The following B4GALT7 variants were observed in gnomAD, a reference collection of about 807,000 sequenced individuals.
The protein encoded by B4GALT7 is beta-1,4-galactosyltransferase 7.
B4GALT7 carries 30 observed loss-of-function variants against 33.0 expected under a neutral mutation model. The ratio of observed to expected loss-of-function variants is 0.91; its 90% CI spans 0.68 to 1.23. The LOEUF (loss-of-function observed/expected upper bound fraction) is 1.23, where lower values mean the gene tolerates loss of function less well. Ranked by LOEUF, B4GALT7 falls within the 50% of genes most tolerant of loss-of-function variation. The pLI is 0.00. For synonymous variants in B4GALT7, 213 were observed against 187.2 expected (o/e 1.14, Z -1.13); for missense variants, 507 against 450.8 (o/e 1.12, Z -1.13).
At chr5:177,604,964 C>T in intron 2 of B4GALT7, 1 of 458,046 alleles carries the variant, frequency 2.2e-6, no homozygotes. Context: ...TCCTAAAATC[C>T]CTGCCCTTAC....
In B4GALT7 at chr5:177,604,427, C is replaced by G; in HGVS notation, c.299C>G (p.Pro100Arg). The G allele has an allele frequency of 6.2e-7, 1 of 1,613,946 alleles. No individual in the cohort carries two copies. The highest frequency in any genetic ancestry group is 8.5e-7 in the Non-Finnish European group (1 of 1,179,912). The change falls in exon 2 of 6, where the codon CCC becomes CGC. Residue 100 changes from proline to arginine, a missense_variant. Transcript: ENST00000029410. ...CCCCACCGCCTGGCAGTGCTGGTGC[C>G]CTTCCGCGAACGCTTCGAGGAGCTC... ...WGPHRLAVLV[P>R]FRERFEELLV...
At chr5:177,607,031 G>T in intron 2 of B4GALT7, 6 of 547,814 alleles carry the variant, frequency 1.1e-5, no homozygotes, top group Non-Finnish European at 2.0e-5. Flanking sequence ...CTTTGTGTTT[G>T]CTTGTTTCTG....
At chr5:177,607,214 AGGCACCATG>A in intron 2 of B4GALT7, 79 bp from the exon 3 acceptor site, 1 of 1,138,556 alleles carries the variant, frequency 8.8e-7, no homozygotes, top group Admixed American at 2.0e-5. Context: ...AGGGCAGCAT[AGGCACCATG>A]GGGACCCCCG....
chr5:177,603,811 A>G (rs1436992647), intron 1 of B4GALT7, among the ~76,000 whole-genome samples: 1 of 152,082 alleles, frequency 6.6e-6, no homozygotes, highest in Non-Finnish European at 1.5e-5. Context: ...CAGGACATTG[A>G]GCCACTATCG....
Position 177,604,219 on chromosome 5 carries a change from G to C in B4GALT7, c.91G>C (p.Val31Leu), listed in dbSNP as rs529356820. The C allele has an allele frequency of 1.2e-6, 2 of 1,613,654 alleles. No homozygotes were observed. Among genetic ancestry groups the C allele is most frequent in the East Asian group, 2.2e-5 (1 of 44,862 alleles). ...CGGCGGCCTCCCTCGGAAGTGTTCCGTCTTCCACCTGTTCGTGGCCTGCCT... is the reference window on the plus strand; with the variant it reads ...CGGCGGCCTCCCTCGGAAGTGTTCCCTCTTCCACCTGTTCGTGGCCTGCCT... ...LSGGLPRKCSVFHLFVACLSL... is the reference protein window; with the variant it reads ...LSGGLPRKCSLFHLFVACLSL... Residue 31 changes from valine to leucine, a missense_variant, in exon 2 of 6, where the codon GTC (valine) becomes CTC (leucine). By Grantham distance (32) the Val-to-Leu change is conservative. Transcript: ENST00000029410.
chr5:177,600,243 G>T lies in B4GALT7; in HGVS notation c.33G>T (p.Leu11=), dbSNP rs1005210482. 4 of 1,387,306 alleles carry T rather than the reference G, an allele frequency of 2.9e-6. No homozygotes were observed. In the African/African-American group the frequency reaches 4.5e-5, roughly 16 times the overall value. 85.9% of individuals were successfully genotyped at this position (1,387,306 alleles called of 1,614,324 possible). A position where few individuals can be genotyped will look rare whatever the true frequency, so the allele number is the denominator to read the frequency against. ...CCTCGCGGAGGAAAGCGGCGCAGCT[G>T]CCCTGGGAGGACGGCAGGTGAGCGG... The part of the protein sequence containing the change: MFPSRRKAAQ[L]PWEDGRSGLL... Residue 11 remains leucine, a synonymous_variant, in exon 1 of 6, where the codon CTG becomes CTT. Coordinates refer to ENST00000029410, the MANE Select transcript of B4GALT7 (RefSeq NM_007255.3). The surrounding 1 kb of genome is among the most constrained non-coding windows in gnomAD (Gnocchi z 4.4).
chr5:177,609,945 C>G lies in B4GALT7; in HGVS notation c.*250C>G. On this transcript the variant is annotated 3_prime_UTR_variant, in exon 6 of 6. Transcript: ENST00000029410. ...TGGGGTGTGTCCTGTCCGGGACCCC[C>G]CCTGCCTTCCTGCTCACCCTACTCT... 4 of 560,660 alleles carry G rather than the reference C, an allele frequency of 7.1e-6. No homozygotes were observed. The highest frequency in any genetic ancestry group is 1.3e-5 in the Non-Finnish European group (4 of 311,858). 34.7% of individuals were successfully genotyped at this position (560,660 alleles called of 1,614,324 possible). A position where few individuals can be genotyped will look rare whatever the true frequency, so the allele number is the denominator to read the frequency against.
chr5:177,604,154 T>A (rs369813954), intron 1 of B4GALT7, 25 bp from the exon 2 acceptor site: 2 of 1,612,936 alleles, frequency 1.2e-6, no homozygotes, highest in Non-Finnish European at 1.7e-6. Flanking sequence ...CCCGCCCTCC[T>A]GACCCTGTCC....
rs566528514 is a variant in B4GALT7 at position 177,610,069 on chromosome 5, G to A, written c.*374G>A. ...TTGTTCCTTCCTGCTGGGCTGCCTC[G>A]TGCAGAGACACAGTGTAGGGGCCAT... On this transcript the variant is annotated 3_prime_UTR_variant, in exon 6 of 6. Transcript: ENST00000029410. The A allele has an allele frequency of 3.8e-4, 126 of 330,604 alleles. No homozygotes were observed. The highest frequency in any genetic ancestry group is 1.4e-3 in the South Asian group (52 of 37,826). The allele number at this position is 330,604 out of a possible 1,614,324, so 20.5% of individuals were successfully genotyped here. A position where few individuals can be genotyped will look rare whatever the true frequency, so the allele number is the denominator to read the frequency against.
At position 177,609,005 on chromosome 5, in the gene B4GALT7, T is replaced by G; in HGVS notation, c.819T>G (p.Ala273=). ...AGAGGGACCAGAAGCGCATCGCAGC[T>G]CAAAAACAGGTGCTGGCAGGGCTCC... ...WRKRDQKRIA[A]QKQEQFKVDR... is the part of the protein sequence containing the mutation. The change falls in exon 5 of 6, where the codon GCT becomes GCG. Residue 273 remains alanine (A), a synonymous_variant. Transcript: ENST00000029410. 2 of 1,611,252 alleles carry G rather than the reference T, an allele frequency of 1.2e-6. No individual in the cohort carries two copies. The highest frequency in any genetic ancestry group is 1.7e-6 in the Non-Finnish European group (2 of 1,179,754).
rs1768126718 is a variant in B4GALT7 at position 177,609,795 on chromosome 5, G to A, written c.*100G>A. On this transcript the variant is annotated 3_prime_UTR_variant, in exon 6 of 6. Transcript: ENST00000029410. ...GCCCAGCTCTGACAGGATGTGGAGT[G>A]GCCAGGACCAAGACAGCAAGCTACG... The A allele has an allele frequency of 6.8e-7, 1 of 1,479,858 alleles. No homozygotes were observed. Among genetic ancestry groups the A allele is most frequent in the African/African-American group, 1.4e-5 (1 of 71,650 alleles). The allele number at this position is 1,479,858 out of a possible 1,614,324, so 91.7% of individuals were successfully genotyped here.
In B4GALT7 at chr5:177,608,596, CG is replaced by C; in HGVS notation, c.699del (p.Arg234AlafsTer54). Reference protein sequence around the residue: ...GWGREDDEFYRRIKGAGLQLF... With the variant: ...GWGREDDEFYXRIKGAGLQLF... ...GGGCCGCGAGGACGACGAGTTCTAC[CG>C]GCGCATTAAGGGAGCTGGGCTCCAG... On this transcript the variant is annotated frameshift_variant, in exon 4 of 6. Transcript: ENST00000029410. LOFTEE classifies it high-confidence loss of function. This position sits in a 1 kb window ranked among gnomAD's most constrained non-coding sequence, Gnocchi z 4.1. 5.0e-6 allele frequency: 8 copies of C among 1,613,932 alleles called. No individual in the cohort carries two copies. Among genetic ancestry groups the C allele is most frequent in the Non-Finnish European group, 5.9e-6 (7 of 1,180,018 alleles).
chr5:177,604,215 T>A lies in B4GALT7; in HGVS notation c.87T>A (p.Cys29Ter). 1.2e-6 allele frequency: 2 copies of A among 1,613,658 alleles called. No individual in the cohort carries two copies. Among genetic ancestry groups the A allele is most frequent in the South Asian group, 2.2e-5 (2 of 91,074 alleles). ...TCTCCGGCGGCCTCCCTCGGAAGTG[T>A]TCCGTCTTCCACCTGTTCGTGGCCT... ...GLLSGGLPRK[C>*]SVFHLFVACL... Residue 29 changes from cysteine (C) to a stop codon, truncating the protein, a stop_gained, in exon 2 of 6, where the codon TGT (cysteine) becomes TGA (stop). Coordinates refer to ENST00000029410, the MANE Select transcript of B4GALT7 (RefSeq NM_007255.3). LOFTEE classifies it high-confidence loss of function.
At chr5:177,603,922 G>A (rs530949130) in intron 1 of B4GALT7, 115 of 540,098 alleles carry the variant, frequency 2.1e-4, no homozygotes, top group African/African-American at 2.0e-3. Flanking sequence ...TTGAGGAGCC[G>A]GGGCAGCTCT....
intron 1 of B4GALT7, among the ~76,000 whole-genome samples, chr5:177,601,853 C>G (rs1465827647): frequency 2.0e-5 from 3 of 152,126 alleles, no homozygotes; most frequent in African/African-American, 7.2e-5. Context: ...GGAATTGGGA[C>G]TCTGGGTTCA....
At position 177,609,510 on chromosome 5, in the gene B4GALT7, G is replaced by A. The variant is rs754786714; in HGVS notation, c.829-30G>A. The A allele has an allele frequency of 8.1e-6, 13 of 1,612,044 alleles. No homozygotes were observed. In the Admixed American group the frequency reaches 1.8e-4, roughly 23 times the overall value. On this transcript the variant is annotated intron_variant, in intron 5 of 5. Coordinates refer to ENST00000029410, the MANE Select transcript of B4GALT7 (RefSeq NM_007255.3). ...GTAGCTGGCACCCATGCAGCCCTGAGTCCGTGCTCTTTCCTCTCTTCCTCC... is the reference window on the plus strand; with the variant it reads ...GTAGCTGGCACCCATGCAGCCCTGAATCCGTGCTCTTTCCTCTCTTCCTCC...
At chr5:177,609,421 T>C in intron 5 of B4GALT7, 119 bp from the exon 6 acceptor site, 1 of 1,318,054 alleles carries the variant, frequency 7.6e-7, no homozygotes, top group Non-Finnish European at 1.1e-6. Context: ...CTTTGAGCTC[T>C]GGGTTCTTCC....
chr5:177,604,566 C>G, intron 2 of B4GALT7, 25 bp downstream of exon 2: 1 of 1,613,152 alleles, frequency 6.2e-7, no homozygotes, highest in Non-Finnish European at 8.5e-7. Flanking sequence ...CACCCTCTCC[C>G]CTCGGCACCC....
At position 177,604,556 on chromosome 5, in the gene B4GALT7, C is replaced by T. The variant is rs757790046; in HGVS notation, c.413+15C>T. On this transcript the variant is annotated intron_variant, in intron 2 of 5. Coordinates refer to ENST00000029410, the MANE Select transcript of B4GALT7 (RefSeq NM_007255.3). ...GACCACTTCAGGTAGCGCCCGCCCC[C>T]ACCCTCTCCCCTCGGCACCCCTGCC... The T allele has an allele frequency of 1.9e-6, 3 of 1,613,504 alleles. No homozygotes were observed. The highest frequency in any genetic ancestry group is 2.5e-6 in the Non-Finnish European group (3 of 1,179,904).
Sources: gnomAD v4.1 joint callset for allele counts (sites outside exome capture counted in the v4.1 genomes callset) on GRCh38, gnomAD v4.1.1 for gene constraint, Gnocchi (gnomAD v3.1) non-coding constraint, MANE v1.5 for transcripts, NCBI Gene and HGNC (gene_info 2026-07-23, HGNC 2026-07-21) for gene names.